Variants in CNIH3 observed in about 807,000 individuals in gnomAD.
The protein encoded by CNIH3 is protein cornichon homolog 3.
Under a neutral mutation model 24.1 loss-of-function variants are expected in CNIH3, and 14 were observed. The observed-to-expected ratio is 0.58, with a 90% CI of 0.38 to 0.91. The LOEUF (loss-of-function observed/expected upper bound fraction) is 0.91. CNIH3 is among the 40% of genes least tolerant of loss of function. The pLI, the probability that CNIH3 is intolerant of heterozygous loss-of-function variation, is 0.00. For missense variants in CNIH3, 178 were observed against 196.8 expected, an observed-to-expected ratio of 0.90 and a Z score of 0.57; for synonymous variants, 68 against 73.8, an observed-to-expected ratio of 0.92 and a Z score of 0.40.
intron 3 of CNIH3, among the ~76,000 whole-genome samples, chr1:224,610,670 C>T (rs1682649516): frequency 6.6e-6 from 1 of 152,094 alleles, no homozygotes; most frequent in African/African-American, 2.4e-5. Flanking sequence ...TTGCCTTCAC[C>T]TTCAATAAAC....
chr1:224,690,693 G>A (rs1686887716), intron 3 of CNIH3, among the ~76,000 whole-genome samples: 1 of 152,212 alleles, frequency 6.6e-6, no homozygotes, highest in Non-Finnish European at 1.5e-5. Flanking sequence ...TGACATTTGT[G>A]AATATAAAAA....
At chr1:224,525,490 G>C (rs924933695) in intron 2 of CNIH3, among the ~76,000 whole-genome samples, 1 of 152,178 alleles carries the variant, frequency 6.6e-6, no homozygotes, top group African/African-American at 2.4e-5. Flanking sequence ...CCACAGTCAG[G>C]GTGTGTCCTT....
At chr1:224,705,632 C>T (rs1053648643) in intron 3 of CNIH3, among the ~76,000 whole-genome samples, 4 of 152,154 alleles carry the variant, frequency 2.6e-5, no homozygotes, top group African/African-American at 9.7e-5. Flanking sequence ...TCACAGAGGA[C>T]CGTGAAGGGA....
chr1:224,440,886 G>A (rs149458385), intron 1 of CNIH3, among the ~76,000 whole-genome samples: 2,382 of 150,896 alleles, frequency 0.016, 25 homozygotes, highest in Middle Eastern at 0.041. Context: ...GCACGATCTC[G>A]GCTCACTGCA....
At chr1:224,514,125 C>T (rs1378165861), upstream of CNIH3, among the ~76,000 whole-genome samples, 1 of 152,188 alleles carries the variant, frequency 6.6e-6, no homozygotes, top group Admixed American at 6.5e-5. Context: ...ACTGTCATCA[C>T]AAAAAGCCAC....
chr1:224,701,615 C>T (rs924780828), intron 3 of CNIH3, among the ~76,000 whole-genome samples: 8 of 152,070 alleles, frequency 5.3e-5, no homozygotes, highest in African/African-American at 9.7e-5. Flanking sequence ...ACATTCAGCT[C>T]GCAACAGAGG....
At chr1:224,536,341 G>C (rs1162223284) in intron 2 of CNIH3, among the ~76,000 whole-genome samples, 4 of 141,296 alleles carry the variant, frequency 2.8e-5, no homozygotes, top group African/African-American at 8.1e-5. Flanking sequence ...GCCCAGGCTG[G>C]AGTACAATGG....
At chr1:224,730,208 T>G in intron 3 of CNIH3, 1 of 378,992 alleles carries the variant, frequency 2.6e-6, no homozygotes, top group Non-Finnish European at 4.8e-6. Flanking sequence ...AAGCGTGGTA[T>G]TCTGTTAATA....
intron 3 of CNIH3, among the ~76,000 whole-genome samples, chr1:224,550,438 A>T (rs1278930607): frequency 6.6e-6 from 1 of 152,136 alleles, no homozygotes; most frequent in Non-Finnish European, 1.5e-5. Context: ...AATAAATATC[A>T]TAGCAATGAT....
At chr1:224,626,658 G>A (rs1193372986) in intron 1 of CNIH3, among the ~76,000 whole-genome samples, 3 of 152,076 alleles carry the variant, frequency 2.0e-5, no homozygotes, top group African/African-American at 7.2e-5. Context: ...TCATGGGATC[G>A]ACATAAACTG....
At chr1:224,611,060 G>A (rs1682674605) in intron 3 of CNIH3, among the ~76,000 whole-genome samples, 1 of 152,126 alleles carries the variant, frequency 6.6e-6, no homozygotes. Flanking sequence ...AGCCTGAAAT[G>A]AAAAAACACT....
intron 1 of CNIH3, among the ~76,000 whole-genome samples, chr1:224,678,593 G>A (rs1200869421): frequency 2.0e-5 from 3 of 152,058 alleles, no homozygotes; most frequent in Non-Finnish European, 2.9e-5. Context: ...ATTTGCTGGG[G>A]TCCCTGGAGC....
intron 1 of CNIH3, among the ~76,000 whole-genome samples, chr1:224,518,487 C>T (rs1223208664): frequency 6.7e-6 from 1 of 149,936 alleles, no homozygotes; most frequent in Non-Finnish European, 1.5e-5. Flanking sequence ...ACACACCTGC[C>T]TAATTTTTGA....
upstream of CNIH3, chr1:224,611,727 G>A (rs1367503227): frequency 6.6e-6 from 1 of 152,160 alleles, no homozygotes; most frequent in Non-Finnish European, 1.5e-5. Context: ...AAACAATGTA[G>A]GTTGGTCACT....
At position 224,555,008 on chromosome 1, in the gene CNIH3, G is replaced by A. The variant is rs6690463; in HGVS notation, n.450+8069G>A. On this transcript the variant is annotated intron_variant and non_coding_transcript_variant, in intron 3 of 5. Coordinates refer to the CNIH3 transcript ENST00000471578. Reference sequence around the variant, plus strand: ...AATATATGGCACAATTTTATATCAGGGACTTGAGCATCCGTGGGTTTTGGT... The same window carrying A: ...AATATATGGCACAATTTTATATCAGAGACTTGAGCATCCGTGGGTTTTGGT... Among the ~76,000 whole-genome samples, 296 of 152,246 alleles carry A rather than the reference G, an allele frequency of 1.9e-3. 2 individuals carry two copies. The highest frequency in any genetic ancestry group is 6.6e-3 in the African/African-American group (274 of 41,544).
intron 1 of CNIH3, among the ~76,000 whole-genome samples, chr1:224,468,824 C>CAA (rs1214427002): frequency 1.9e-5 from 2 of 104,488 alleles, no homozygotes; most frequent in African/African-American, 7.7e-5. Flanking sequence ...GACCCTGTCT[C>CAA]AAAAAAAAAA....
downstream of CNIH3, among the ~76,000 whole-genome samples, chr1:224,538,679 G>A (rs1268956095): frequency 2.1e-5 from 3 of 146,266 alleles, no homozygotes; most frequent in Non-Finnish European, 4.5e-5. Context: ...TTTTTTTTAA[G>A]AGACAGGGTC....
At chr1:224,622,776 C>A (rs1025701516) in intron 1 of CNIH3, among the ~76,000 whole-genome samples, 1 of 152,268 alleles carries the variant, frequency 6.6e-6, no homozygotes, top group African/African-American at 2.4e-5. Flanking sequence ...TGAAGCTGTG[C>A]CCAGGCCCTT....
chr1:224,678,617 A>G (rs1341258014), intron 1 of CNIH3, among the ~76,000 whole-genome samples: 1 of 152,010 alleles, frequency 6.6e-6, no homozygotes, highest in Non-Finnish European at 1.5e-5. Flanking sequence ...CAGTACTTAA[A>G]GGGGTTCTTT....
Sources: allele counts gnomAD v4.1 joint callset (sites outside exome capture counted in the v4.1 genomes callset), GRCh38; gene constraint gnomAD v4.1.1; transcripts MANE v1.5; gene names NCBI Gene and HGNC (gene_info 2026-07-23, HGNC 2026-07-21).